POU6F2: variants seen among roughly 807,000 people sequenced by gnomAD.
POU6F2 encodes the protein POU domain, class 6, transcription factor 2.
Under a neutral mutation model 71.3 loss-of-function variants are expected in POU6F2, and 31 were observed. The ratio of observed to expected loss-of-function variants is 0.43; its 90% CI spans 0.33 to 0.59. POU6F2 has a LOEUF of 0.59. Among genes scored for constraint, POU6F2 ranks in the 20% least tolerant of loss-of-function variants. The pLI is 0.04. For synonymous variants in POU6F2, 347 were observed against 355.7 expected (o/e 0.98, Z 0.27); for missense variants, 783 against 856.8 (o/e 0.91, Z 1.07).
chr7:39,203,193 C>T (rs970274621), intron 2 of POU6F2, among the ~76,000 whole-genome samples: 4 of 152,140 alleles, frequency 2.6e-5, no homozygotes, highest in African/African-American at 4.8e-5. Flanking sequence ...GCCAATAATA[C>T]CTTCTTTAAA....
intron 7 of POU6F2, among the ~76,000 whole-genome samples, chr7:39,451,159 G>A (rs1000436317): frequency 2.6e-5 from 4 of 152,176 alleles, no homozygotes; most frequent in African/African-American, 9.7e-5. Context: ...CCCAATCTGA[G>A]TTGATGGTGT....
At chr7:39,395,148 C>T (rs1787147693) in intron 5 of POU6F2, among the ~76,000 whole-genome samples, 1 of 152,110 alleles carries the variant, frequency 6.6e-6, no homozygotes, top group Non-Finnish European at 1.5e-5. Context: ...TGATCATGTC[C>T]CTCCATCATT....
intron 4 of POU6F2, among the ~76,000 whole-genome samples, chr7:39,240,985 C>T (rs1261949385): frequency 6.6e-6 from 1 of 152,118 alleles, no homozygotes; most frequent in African/African-American, 2.4e-5. Flanking sequence ...TTCCTCTGCC[C>T]ACCTTCTTGG....
At chr7:39,273,640 AC>A (rs1784378879) in intron 4 of POU6F2, among the ~76,000 whole-genome samples, 3 of 152,144 alleles carry the variant, frequency 2.0e-5, no homozygotes, top group African/African-American at 7.2e-5. Flanking sequence ...ATGTCAATGG[AC>A]AACTGGAAAA....
intron 1 of POU6F2, among the ~76,000 whole-genome samples, chr7:39,037,163 C>A (rs1280522703): frequency 6.6e-6 from 1 of 152,006 alleles, no homozygotes; most frequent in East Asian, 1.9e-4. Context: ...TACAAAATCA[C>A]TTTTCCCTCA....
At chr7:39,399,053 G>T (rs1411264011) in intron 5 of POU6F2, among the ~76,000 whole-genome samples, 1 of 152,128 alleles carries the variant, frequency 6.6e-6, no homozygotes, top group Non-Finnish European at 1.5e-5. Context: ...AAGGTAGAAT[G>T]GTGCATTAAT....
At chr7:39,402,167 T>G (rs575623626) in intron 5 of POU6F2, among the ~76,000 whole-genome samples, 14 of 152,298 alleles carry the variant, frequency 9.2e-5, no homozygotes, top group African/African-American at 2.9e-4. Flanking sequence ...AGAGAAAAAC[T>G]TTCTTCCATC....
intron 7 of POU6F2, among the ~76,000 whole-genome samples, chr7:39,437,119 G>A (rs982113941): frequency 5.9e-5 from 9 of 152,192 alleles, no homozygotes; most frequent in East Asian, 1.9e-4. Flanking sequence ...GTGGTATCAG[G>A]ATGGTGCTGG....
chr7:39,150,849 G>T lies in POU6F2; in HGVS notation c.278-53386G>T, dbSNP rs373105955. ...AACATCTGTAATCTTTTGACTTTTT[G>T]ATAATGGTTATCCTTATGGGTATGA... On this transcript the variant is annotated intron_variant, in intron 2 of 9. Transcript: ENST00000518318. Among the ~76,000 whole-genome samples the T allele has an allele frequency of 1.4e-3, 207 of 151,822 alleles. 3 individuals carry two copies. In the South Asian group the frequency reaches 0.023, roughly 17 times the overall value.
chr7:39,436,697 T>C (rs1029592476), intron 7 of POU6F2, among the ~76,000 whole-genome samples: 10 of 152,198 alleles, frequency 6.6e-5, no homozygotes, highest in Admixed American at 1.3e-4. Context: ...CCTTGTCTTG[T>C]ACTAGTTTTC....
intron 6 of POU6F2, among the ~76,000 whole-genome samples, chr7:39,416,090 G>A (rs940762960): frequency 4.3e-5 from 3 of 69,968 alleles, no homozygotes; most frequent in African/African-American, 9.6e-5. Flanking sequence ...TCTCTCGAAG[G>A]CATACACACA....
At chr7:39,053,819 A>T (rs1419425416) in intron 1 of POU6F2, among the ~76,000 whole-genome samples, 1 of 152,138 alleles carries the variant, frequency 6.6e-6, no homozygotes, top group Non-Finnish European at 1.5e-5. Flanking sequence ...TTTAAAAAAA[A>T]AGACCAGCCA....
At chr7:39,162,821 C>A (rs143697164) in intron 2 of POU6F2, among the ~76,000 whole-genome samples, 194 of 152,266 alleles carry the variant, frequency 1.3e-3, no homozygotes, top group African/African-American at 4.5e-3. Context: ...TCTTCTACTA[C>A]CTTAGTATCA....
chr7:39,129,944 G>A (rs1394244089), intron 2 of POU6F2, among the ~76,000 whole-genome samples: 1 of 151,784 alleles, frequency 6.6e-6, no homozygotes, highest in Non-Finnish European at 1.5e-5. Context: ...GCAGGTGCCT[G>A]TAGTCCCAGC....
At chr7:39,027,282 A>T (rs1789830943) in intron 1 of POU6F2, among the ~76,000 whole-genome samples, 1 of 152,134 alleles carries the variant, frequency 6.6e-6, no homozygotes, top group African/African-American at 2.4e-5. Flanking sequence ...CCTTCTGGAA[A>T]CCCTCACCAT....
rs530607657 is a variant in POU6F2, at chr7:39,384,032, T to C, written c.973-22568T>C. On this transcript the variant is annotated intron_variant, in intron 5 of 9. Transcript: ENST00000518318. ...CAACCCAGATAGGGGTCTCAAAATA[T>C]GTGGTAAACAAATCATTGAAATGTA... Among the ~76,000 whole-genome samples the C allele has an allele frequency of 5.9e-5, 9 of 152,330 alleles. No individual in the cohort carries two copies. The South Asian group carries it at 1.9e-3, about 32-fold the overall frequency.
At chr7:39,057,072 G>C (rs1036880694) in intron 1 of POU6F2, among the ~76,000 whole-genome samples, 1 of 152,036 alleles carries the variant, frequency 6.6e-6, no homozygotes, top group Non-Finnish European at 1.5e-5. Context: ...AGGGTGCGTT[G>C]GTAGTATTTT....
chr7:39,225,590 C>A (rs1193128217), intron 4 of POU6F2, among the ~76,000 whole-genome samples: 1 of 152,138 alleles, frequency 6.6e-6, no homozygotes, highest in Non-Finnish European at 1.5e-5. Flanking sequence ...TCTTCACCCC[C>A]CACCAAAGGG....
chr7:39,286,048 T>C (rs552720041), intron 4 of POU6F2, among the ~76,000 whole-genome samples: 13 of 152,342 alleles, frequency 8.5e-5, no homozygotes, highest in African/African-American at 2.4e-4. Flanking sequence ...CCAGCATCTG[T>C]ACTTAAGCCT....
Sources: allele counts gnomAD v4.1 joint callset (sites outside exome capture counted in the v4.1 genomes callset), GRCh38; gene constraint gnomAD v4.1.1; transcripts MANE v1.5; gene names NCBI Gene and HGNC (gene_info 2026-07-23, HGNC 2026-07-21).